TRAF3IP2: variants seen among roughly 807,000 people sequenced by gnomAD.
The protein encoded by TRAF3IP2 is TRAF3 interacting protein 2, also known as E3 ubiquitin ligase TRAF3IP2.
In TRAF3IP2, 35 loss-of-function variants were observed where a neutral mutation model predicts 57.9. The ratio of observed to expected loss-of-function variants is 0.60; its 90% CI spans 0.46 to 0.80. TRAF3IP2 has a LOEUF of 0.80. Among genes scored for constraint, TRAF3IP2 ranks in the 30% least tolerant of loss-of-function variants. The probability of loss-of-function intolerance (pLI) is 0.00; values close to 1 mark genes in which losing one functional copy is unlikely to be tolerated. For missense variants in TRAF3IP2, 556 were observed against 706.4 expected, an observed-to-expected ratio of 0.79 and a Z score of 2.41; for synonymous variants, 251 against 268.9, an observed-to-expected ratio of 0.93 and a Z score of 0.65.
intron 5 of TRAF3IP2, among the ~76,000 whole-genome samples, chr6:111,571,981 A>G (rs982282443): frequency 1.3e-5 from 2 of 152,116 alleles, no homozygotes; most frequent in Non-Finnish European, 2.9e-5. Context: ...GTTAAACAAT[A>G]CTAAATAACT....
intron 7 of TRAF3IP2, 109 bp downstream of exon 7, chr6:111,566,335 C>T (rs770485639): frequency 3.4e-6 from 3 of 887,652 alleles, no homozygotes; most frequent in African/African-American, 1.7e-5. Flanking sequence ...GAGCTCTTCA[C>T]CCAGCATCAT....
intron 1 of TRAF3IP2, chr6:111,598,135 C>T (rs1050203973): frequency 5.2e-5 from 16 of 310,520 alleles, no homozygotes; most frequent in Non-Finnish European, 3.2e-5. Context: ...GCTCCCAATA[C>T]AGAGCCCAGG....
At chr6:111,565,564 C>T (rs1169292267) in intron 7 of TRAF3IP2, among the ~76,000 whole-genome samples, 1 of 152,192 alleles carries the variant, frequency 6.6e-6, no homozygotes, top group Non-Finnish European at 1.5e-5. Context: ...GGGAACTCCA[C>T]AGGACAGCCT....
In TRAF3IP2 at chr6:111,559,306, A is replaced by T; in HGVS notation, c.*99T>A. ...AGGGCCTCTCGGGGAGGAACAGAAA[A>T]AAACCAGCCAGGAGTGCTACCGACC... is the stretch of plus-strand genomic sequence containing the variant. On this transcript the variant is annotated 3_prime_UTR_variant, in exon 9 of 9. Coordinates refer to ENST00000368761, the MANE Select transcript of TRAF3IP2 (RefSeq NM_147686.4). 1.3e-6 allele frequency: 2 copies of T among 1,507,144 alleles called. No homozygotes were observed. Among genetic ancestry groups the T allele is most frequent in the Non-Finnish European group, 8.9e-7 (1 of 1,127,108 alleles). The allele number at this position is 1,507,144 out of a possible 1,614,324, so 93.4% of individuals were successfully genotyped here.
At chr6:111,589,574 C>T (rs1796445088) in intron 2 of TRAF3IP2, among the ~76,000 whole-genome samples, 2 of 152,180 alleles carry the variant, frequency 1.3e-5, no homozygotes, top group African/African-American at 2.4e-5. Context: ...GGCATCCATG[C>T]ACTCCCACTC....
intron 1 of TRAF3IP2, among the ~76,000 whole-genome samples, chr6:111,593,917 G>A (rs929034470): frequency 3.3e-5 from 5 of 152,018 alleles, no homozygotes; most frequent in African/African-American, 9.7e-5. Flanking sequence ...GATCACCTGA[G>A]GTCAGGTATT....
At chr6:111,604,010 T>A (rs1796952154) in intron 1 of TRAF3IP2, among the ~76,000 whole-genome samples, 1 of 152,196 alleles carries the variant, frequency 6.6e-6, no homozygotes, top group Admixed American at 6.5e-5. Context: ...TGCATCGTTG[T>A]TTGAAAATAA....
chr6:111,590,895 G>A (rs761504450), intron 2 of TRAF3IP2, among the ~76,000 whole-genome samples: 3 of 152,122 alleles, frequency 2.0e-5, no homozygotes, highest in African/African-American at 4.8e-5. Flanking sequence ...GAAAGATGAC[G>A]AGAAGGAAGA....
In TRAF3IP2 at chr6:111,591,421, A is replaced by G. The variant is rs1263073351; in HGVS notation, c.666T>C (p.Cys222=). 1.3e-6 allele frequency: 2 copies of G among 1,565,740 alleles called. No individual in the cohort carries two copies. Among genetic ancestry groups the G allele is most frequent in the South Asian group, 2.4e-5 (2 of 83,230 alleles). Residue 222 remains cysteine (C), a synonymous_variant, in exon 2 of 9, where the codon TGT becomes TGC. Transcript: ENST00000368761. This position sits in a 1 kb window ranked among gnomAD's most constrained non-coding sequence, Gnocchi z 4.9. The stretch of plus-strand genomic sequence containing the variant: ...GAGGTCTGGGGAGGTCCTGGGGGTA[A>G]CACACGGAGGTGAGGGGCAGGGGCC... ...LERPLPLTSV[C]YPQDLPRPLR...
intron 5 of TRAF3IP2, among the ~76,000 whole-genome samples, chr6:111,571,023 C>T (rs1449355909): frequency 2.0e-5 from 3 of 152,062 alleles, no homozygotes; most frequent in Non-Finnish European, 4.4e-5. Context: ...TCTTGTGCCT[C>T]AGCCTCCCAA....
chr6:111,572,870 T>C, intron 5 of TRAF3IP2, 25 bp downstream of exon 5: 1 of 1,582,514 alleles, frequency 6.3e-7, no homozygotes, highest in Non-Finnish European at 8.7e-7. Context: ...AACTGTTCAG[T>C]TATCTATTTG....
chr6:111,575,535 C>G (rs1262138270), intron 4 of TRAF3IP2, 108 bp downstream of exon 4: 1 of 1,276,862 alleles, frequency 7.8e-7, no homozygotes, highest in Non-Finnish European at 1.1e-6. Context: ...TTGCAGTGAG[C>G]TGAGATCGCA....
chr6:111,567,208 G>C, intron 6 of TRAF3IP2: 1 of 1,002,838 alleles, frequency 1.0e-6, no homozygotes, highest in Non-Finnish European at 1.2e-6. Context: ...GGGGCTGCAC[G>C]TGGGCACCTC....
chr6:111,600,475 A>G (rs1441626756), intron 1 of TRAF3IP2: 1 of 152,230 alleles, frequency 6.6e-6, no homozygotes. Context: ...TTAACAAGTG[A>G]TGGGTGAAGC....
intron 2 of TRAF3IP2, among the ~76,000 whole-genome samples, chr6:111,590,486 A>G (rs1796473053): frequency 6.6e-6 from 1 of 152,162 alleles, no homozygotes; most frequent in African/African-American, 2.4e-5. Context: ...AACTTATTGA[A>G]TTTTTTATTT....
At position 111,591,132 on chromosome 6, in the gene TRAF3IP2, AAGC is replaced by A. The variant is rs1261290279; in HGVS notation, c.829+123_829+125del. On this transcript the variant is annotated intron_variant, in intron 2 of 8. Transcript: ENST00000368761. The surrounding 1 kb of genome is among the most constrained non-coding windows in gnomAD (Gnocchi z 4.9). ...GCCACACATGGAAAGCCCCTAAGAG[AAGC>A]AGAATGCCCTCCCTGCATTCTGACC... The A allele has an allele frequency of 4.5e-6, 3 of 665,430 alleles. No individual in the cohort carries two copies. Among genetic ancestry groups the A allele is most frequent in the Non-Finnish European group, 4.7e-6 (2 of 427,020 alleles). 41.2% of individuals were successfully genotyped at this position (665,430 alleles called of 1,614,324 possible).
intron 6 of TRAF3IP2, 49 bp from the exon 7 acceptor site, chr6:111,566,609 A>G (rs1311373914): frequency 2.6e-6 from 4 of 1,526,316 alleles, no homozygotes; most frequent in Non-Finnish European, 3.6e-6. Flanking sequence ...TACCAGCAGG[A>G]CTGTGGGCAT....
chr6:111,566,398 C>G (rs374532339), intron 7 of TRAF3IP2, 46 bp downstream of exon 7: 310 of 1,452,110 alleles, frequency 2.1e-4, no homozygotes, highest in Non-Finnish European at 2.7e-4. Context: ...GACAAGGTAT[C>G]CATCCCCAGG....
chr6:111,583,823 A>G (rs1162432555), intron 2 of TRAF3IP2, among the ~76,000 whole-genome samples: 4 of 152,136 alleles, frequency 2.6e-5, no homozygotes, highest in Admixed American at 2.6e-4. Context: ...AAAGTTGGGG[A>G]CCACTGCCCT....
Sources: allele counts gnomAD v4.1 joint callset (sites outside exome capture counted in the v4.1 genomes callset), GRCh38; gene constraint gnomAD v4.1.1; non-coding constraint Gnocchi (gnomAD v3.1); transcripts MANE v1.5; gene names NCBI Gene and HGNC (gene_info 2026-07-23, HGNC 2026-07-21).